The following PALM variants were observed in gnomAD, a reference collection of about 807,000 sequenced individuals.
PALM encodes paralemmin.
PALM carries 18 observed loss-of-function variants against 30.7 expected under a neutral mutation model. That is an observed-to-expected ratio of 0.59 (90% CI 0.41 to 0.87). The LOEUF (loss-of-function observed/expected upper bound fraction) is 0.87, where lower values mean the gene tolerates loss of function less well. Ranked by LOEUF, PALM falls within the 40% of genes least tolerant of loss-of-function variation. PALM has a pLI of 0.00. For synonymous variants in PALM, 286 were observed against 242.8 expected (o/e 1.18, Z -1.66); for missense variants, 529 against 555.4 (o/e 0.95, Z 0.48).
intron 1 of PALM, chr19:719,277 C>T: frequency 1.0e-6 from 1 of 985,476 alleles, no homozygotes; most frequent in Non-Finnish European, 1.2e-6. Flanking sequence ...TCTCTGGGCC[C>T]TTCCAACACC....
At chr19:733,169 G>A (rs990869350) in intron 5 of PALM, among the ~76,000 whole-genome samples, 6 of 152,036 alleles carry the variant, frequency 3.9e-5, no homozygotes, top group Admixed American at 3.3e-4. Context: ...CAGGTGATCC[G>A]CCCGCCTCGG....
At chr19:717,936 C>G (rs2032320188) in intron 1 of PALM, among the ~76,000 whole-genome samples, 1 of 152,322 alleles carries the variant, frequency 6.6e-6, no homozygotes, top group South Asian at 2.1e-4. Flanking sequence ...AATCCCAGCA[C>G]TTTGGGAGGC....
At chr19:723,263 T>A (rs1278118745) in intron 1 of PALM, among the ~76,000 whole-genome samples, 3 of 152,014 alleles carry the variant, frequency 2.0e-5, no homozygotes, top group Non-Finnish European at 4.4e-5. Flanking sequence ...CAGGGCTGGC[T>A]CTGGGCCCTG....
At chr19:725,546 A>G (rs2032632605) in intron 1 of PALM, among the ~76,000 whole-genome samples, 2 of 152,136 alleles carry the variant, frequency 1.3e-5, no homozygotes, top group African/African-American at 4.8e-5. Flanking sequence ...GGGAGACAGC[A>G]AGACTCCATC....
At chr19:727,140 G>T in intron 3 of PALM, 52 bp downstream of exon 3, 1 of 1,226,642 alleles carries the variant, frequency 8.2e-7, no homozygotes. Context: ...GCTGTGAGGC[G>T]GAGGCCCCGG....
At chr19:726,309 T>C (rs915206542) in intron 2 of PALM, 120 bp downstream of exon 2, 14 of 783,156 alleles carry the variant, frequency 1.8e-5, no homozygotes, top group Non-Finnish European at 2.7e-5. Context: ...GGTGAGTTAT[T>C]TGCTTGGGAA....
At chr19:723,935 T>C (rs2032578226) in intron 1 of PALM, among the ~76,000 whole-genome samples, 1 of 152,010 alleles carries the variant, frequency 6.6e-6, no homozygotes, top group South Asian at 2.1e-4. Flanking sequence ...ACGTGCAGCT[T>C]TCTGAGGGCC....
intron 8 of PALM, among the ~76,000 whole-genome samples, chr19:745,376 C>T (rs1384975887): frequency 6.6e-6 from 1 of 152,078 alleles, no homozygotes; most frequent in East Asian, 1.9e-4. Context: ...AGGGTGATCA[C>T]GTGGGAGCTA....
intron 1 of PALM, among the ~76,000 whole-genome samples, chr19:710,665 C>T (rs2032047610): frequency 1.2e-5 from 1 of 86,184 alleles, no homozygotes; most frequent in African/African-American, 5.0e-5. Context: ...CCCCCCCACC[C>T]CCCCTCCATC....
At chr19:736,149 C>T (rs879936888) in intron 7 of PALM, 71 bp downstream of exon 7, 23 of 494,878 alleles carry the variant, frequency 4.6e-5, no homozygotes, top group Admixed American at 1.6e-4. Flanking sequence ...TCCGGGGGGC[C>T]GGGTGGGGCG....
intron 5 of PALM, among the ~76,000 whole-genome samples, chr19:732,861 G>A (rs949519276): frequency 1.3e-5 from 2 of 151,956 alleles, no homozygotes; most frequent in African/African-American, 4.8e-5. Flanking sequence ...TGGGAGGGCT[G>A]GGCAGGCGAC....
chr19:716,445 C>T lies in PALM; in HGVS notation c.5+7294C>T, dbSNP rs1453771729. On this transcript the variant is annotated intron_variant, in intron 1 of 8. Coordinates refer to ENST00000338448, the MANE Select transcript of PALM (RefSeq NM_002579.3). ...AAAAAAAGAAAGTTTAGATTAGGAC[C>T]AGAGTGAGGCCAGCTGAGTGGGAGG... is the stretch of plus-strand genomic sequence containing the variant. 5.3e-5 allele frequency among the ~76,000 whole-genome samples: 8 copies of T among 151,798 alleles called. No homozygotes were observed. The East Asian group carries it at 1.4e-3, about 26-fold the overall frequency.
intron 1 of PALM, among the ~76,000 whole-genome samples, chr19:716,060 G>T (rs111832205): frequency 2.0e-5 from 3 of 152,254 alleles, no homozygotes; most frequent in African/African-American, 2.4e-5. Context: ...CCAGTCACCA[G>T]GACAGAGCCT....
chr19:722,155 T>G (rs994279003), intron 1 of PALM, among the ~76,000 whole-genome samples: 2 of 151,950 alleles, frequency 1.3e-5, no homozygotes, highest in African/African-American at 4.8e-5. Context: ...CCTGACCTCG[T>G]GATCCGCCCG....
chr19:710,394 A>C (rs2032032647), intron 1 of PALM, among the ~76,000 whole-genome samples: 1 of 152,080 alleles, frequency 6.6e-6, no homozygotes, highest in Non-Finnish European at 1.5e-5. Flanking sequence ...GCCAGGGCCC[A>C]GACTTGCCTG....
chr19:726,985 A>AGCCCCCC (rs2144880271), intron 2 of PALM, 23 bp from the exon 3 acceptor site: 407 of 945,062 alleles, frequency 4.3e-4, no homozygotes, highest in East Asian at 1.3e-3. Flanking sequence ...CCCATCCCTG[A>AGCCCCCC]CCCCACCCGG....
At chr19:719,204 C>G in intron 1 of PALM, 1 of 985,528 alleles carries the variant, frequency 1.0e-6, no homozygotes, top group Non-Finnish European at 1.2e-6. Context: ...ATCCCACACA[C>G]GCCCCTCCCG....
At chr19:733,761 T>C (rs3761029) in intron 5 of PALM, among the ~76,000 whole-genome samples, 84,315 of 151,808 alleles carry the variant, frequency 0.56, 24,114 homozygotes, top group African/African-American at 0.7. Flanking sequence ...CCGAGGTGGG[T>C]GGATCACCTG....
intron 1 of PALM, 54 bp from the exon 2 acceptor site, chr19:726,084 T>A (rs370736409): frequency 6.4e-6 from 9 of 1,409,514 alleles, no homozygotes; most frequent in African/African-American, 1.4e-5. Flanking sequence ...GAACCGCGTC[T>A]GACGGACAGC....
Sources: allele counts gnomAD v4.1 joint callset (sites outside exome capture counted in the v4.1 genomes callset), GRCh38; gene constraint gnomAD v4.1.1; transcripts MANE v1.5; gene names NCBI Gene and HGNC (gene_info 2026-07-23, HGNC 2026-07-21).